PTPRD: variants seen among roughly 807,000 people sequenced by gnomAD.
The protein encoded by PTPRD is protein tyrosine phosphatase receptor type D, also known as receptor-type tyrosine-protein phosphatase delta.
Under a neutral mutation model 214.5 loss-of-function variants are expected in PTPRD, and 34 were observed. The ratio of observed to expected loss-of-function variants is 0.16; its 90% CI spans 0.12 to 0.21. PTPRD has a LOEUF of 0.21. Ranked by LOEUF, PTPRD falls within the 10% of genes least tolerant of loss-of-function variation. The pLI is 1.00. For synonymous variants in PTPRD, 1,128 were observed against 845.7 expected (o/e 1.33, Z -5.79); for missense variants, 2,545 against 2,398.7 (o/e 1.06, Z -1.27).
At chr9:9,966,768 G>T (rs897852624) in intron 4 of PTPRD, among the ~76,000 whole-genome samples, 1 of 152,074 alleles carries the variant, frequency 6.6e-6, no homozygotes, top group Non-Finnish European at 1.5e-5. Flanking sequence ...GAGACAGGAG[G>T]AAGATTAACT....
rs542219484 is a variant in PTPRD at position 9,789,307 on chromosome 9, G to A, written c.-367-22456C>T. Among the ~76,000 whole-genome samples, 706 of 152,264 alleles carry A rather than the reference G, an allele frequency of 4.6e-3. 6 individuals carry two copies. Among genetic ancestry groups the A allele is most frequent in the African/African-American group, 0.016 (659 of 41,556 alleles). On this transcript the variant is annotated intron_variant, in intron 5 of 45. Coordinates refer to ENST00000381196, the MANE Select transcript of PTPRD (RefSeq NM_002839.4). ...TGGCCTATAGGCAAGTTCCCGTAGCGTATGAGATTTTCAGTGCGTAACTAT... is the reference window on the plus strand; with the variant it reads ...TGGCCTATAGGCAAGTTCCCGTAGCATATGAGATTTTCAGTGCGTAACTAT...
chr9:9,586,754 ACT>A (rs1785289189), intron 7 of PTPRD, among the ~76,000 whole-genome samples: 1 of 151,934 alleles, frequency 6.6e-6, no homozygotes, highest in African/African-American at 2.4e-5. Context: ...GACCTAGGCC[ACT>A]CTGAGGTATG....
intron 7 of PTPRD, among the ~76,000 whole-genome samples, chr9:9,708,130 C>G (rs530629017): frequency 8.5e-5 from 13 of 152,156 alleles, no homozygotes; most frequent in African/African-American, 2.9e-4. Context: ...TGATTTAGTT[C>G]TATAGTTCTG....
chr9:9,965,410 G>A (rs1030633952), intron 4 of PTPRD, among the ~76,000 whole-genome samples: 3 of 152,126 alleles, frequency 2.0e-5, no homozygotes, highest in Non-Finnish European at 4.4e-5. Context: ...AAATAGTCAC[G>A]GATTAGCAGA....
At chr9:8,966,651 A>C (rs753678951) in intron 11 of PTPRD, among the ~76,000 whole-genome samples, 2 of 152,080 alleles carry the variant, frequency 1.3e-5, no homozygotes, top group South Asian at 4.1e-4. Flanking sequence ...AACTATAAGA[A>C]TCCTAGAAAA....
chr9:10,325,303 A>G (rs1293586393), intron 3 of PTPRD, among the ~76,000 whole-genome samples: 1 of 152,018 alleles, frequency 6.6e-6, no homozygotes, highest in East Asian at 1.9e-4. Flanking sequence ...CTAGTTATAC[A>G]GTAGGCAATT....
intron 9 of PTPRD, among the ~76,000 whole-genome samples, chr9:9,394,758 G>T (rs1252706736): frequency 6.6e-6 from 1 of 152,002 alleles, no homozygotes; most frequent in East Asian, 1.9e-4. Flanking sequence ...TTGAAAGAAA[G>T]TCAAGAGAGA....
intron 10 of PTPRD, among the ~76,000 whole-genome samples, chr9:9,104,162 G>A (rs1027071198): frequency 8.5e-5 from 13 of 152,102 alleles, no homozygotes; most frequent in African/African-American, 3.1e-4. Flanking sequence ...GGGCTATCCA[G>A]TCTTTTGTGA....
intron 4 of PTPRD, among the ~76,000 whole-genome samples, chr9:9,972,351 A>G (rs2095152456): frequency 6.6e-6 from 1 of 152,172 alleles, no homozygotes; most frequent in African/African-American, 2.4e-5. Flanking sequence ...AATTATTAGT[A>G]GACTTAGAGA....
intron 7 of PTPRD, among the ~76,000 whole-genome samples, chr9:9,602,063 CT>C (rs1325475598): frequency 6.6e-6 from 1 of 152,056 alleles, no homozygotes; most frequent in Non-Finnish European, 1.5e-5. Flanking sequence ...TCATCAGACT[CT>C]TGATGGAATC....
intron 9 of PTPRD, among the ~76,000 whole-genome samples, chr9:9,232,396 G>A (rs1030873214): frequency 6.6e-6 from 1 of 152,050 alleles, no homozygotes; most frequent in East Asian, 1.9e-4. Context: ...TTCCATTTCA[G>A]CTAGTCATAT....
intron 12 of PTPRD, among the ~76,000 whole-genome samples, chr9:8,647,631 G>A (rs1044263942): frequency 1.3e-5 from 2 of 152,006 alleles, no homozygotes; most frequent in Non-Finnish European, 2.9e-5. Flanking sequence ...ATTCCTATAT[G>A]TGAATTACTC....
chr9:9,157,091 G>A (rs1211207507), intron 10 of PTPRD, among the ~76,000 whole-genome samples: 4 of 152,132 alleles, frequency 2.6e-5, no homozygotes, highest in Non-Finnish European at 5.9e-5. Flanking sequence ...TTAGTGGCCG[G>A]AAACACAACA....
chr9:10,292,686 CT>C (rs372073385), intron 3 of PTPRD, among the ~76,000 whole-genome samples: 2 of 151,414 alleles, frequency 1.3e-5, no homozygotes, highest in African/African-American at 2.4e-5. Context: ...CTTTTTTGTT[CT>C]TTTTTTTAAC....
At chr9:10,015,783 A>G (rs1424080832) in intron 4 of PTPRD, among the ~76,000 whole-genome samples, 1 of 152,192 alleles carries the variant, frequency 6.6e-6, no homozygotes, top group Non-Finnish European at 1.5e-5. Context: ...GTATCTTAAG[A>G]AATTTATTTC....
chr9:10,390,314 A>G (rs1301367040), intron 2 of PTPRD, among the ~76,000 whole-genome samples: 4 of 151,820 alleles, frequency 2.6e-5, no homozygotes, highest in Non-Finnish European at 5.9e-5. Context: ...TTTCATTATA[A>G]TCAATACACC....
intron 3 of PTPRD, among the ~76,000 whole-genome samples, chr9:10,102,022 T>C (rs1295507303): frequency 6.6e-6 from 1 of 151,752 alleles, no homozygotes; most frequent in Non-Finnish European, 1.5e-5. Context: ...AGGAGGCACA[T>C]TTGTAATTTA....
intron 5 of PTPRD, among the ~76,000 whole-genome samples, chr9:9,927,148 G>A (rs902361754): frequency 1.3e-5 from 2 of 152,066 alleles, no homozygotes; most frequent in Admixed American, 1.3e-4. Context: ...AAAATATTGA[G>A]TATTTCTATA....
intron 10 of PTPRD, among the ~76,000 whole-genome samples, chr9:9,114,375 G>GA (rs1428798073): frequency 6.6e-6 from 1 of 152,170 alleles, no homozygotes; most frequent in Non-Finnish European, 1.5e-5. Context: ...CTTAGCCTAG[G>GA]AAAGGCCCCT....
Sources: gnomAD v4.1 joint callset for allele counts (sites outside exome capture counted in the v4.1 genomes callset) on GRCh38, gnomAD v4.1.1 for gene constraint, MANE v1.5 for transcripts, NCBI Gene and HGNC (gene_info 2026-07-23, HGNC 2026-07-21) for gene names.